CCDC187: variants seen among roughly 807,000 people sequenced by gnomAD.
CCDC187 encodes the protein coiled-coil domain-containing protein 187.
Under a neutral mutation model 38.0 loss-of-function variants are expected in CCDC187, and 32 were observed. That is an observed-to-expected ratio of 0.84 (90% confidence interval 0.64 to 1.13). The LOEUF (loss-of-function observed/expected upper bound fraction) is 1.13, where lower values mean the gene tolerates loss of function less well. CCDC187 is among the 50% of genes most tolerant of loss of function. The pLI, the probability that CCDC187 is intolerant of heterozygous loss-of-function variation, is 0.00. For missense variants in CCDC187, 707 were observed against 786.8 expected (o/e 0.90, Z 1.21); for synonymous variants, 333 against 347.9 (o/e 0.96, Z 0.48).
At chr9:136,305,809 G>A (rs980256069), upstream of CCDC187, among the ~76,000 whole-genome samples, 5 of 152,204 alleles carry the variant, frequency 3.3e-5, no homozygotes, top group South Asian at 2.1e-4. Context: ...GAGGTCCTGC[G>A]AGTTGCCCCC....
intron 19 of CCDC187, 26 bp downstream of exon 19, chr9:136,262,285 C>T (rs1334686648): frequency 6.1e-6 from 6 of 985,906 alleles, no homozygotes; most frequent in African/African-American, 3.5e-5. Context: ...CCCCGACCCC[C>T]GACCCCCTAA....
chr9:136,275,701 T>C (rs992670560), intron 12 of CCDC187, among the ~76,000 whole-genome samples: 3 of 152,258 alleles, frequency 2.0e-5, no homozygotes, highest in Admixed American at 1.3e-4. Flanking sequence ...CATTGTCCCC[T>C]CATGGGGCAG....
chr9:136,290,136 G>A (rs1831282437), intron 6 of CCDC187, 83 bp from the exon 7 acceptor site: 1 of 398,102 alleles, frequency 2.5e-6, no homozygotes, highest in Non-Finnish European at 4.4e-6. Context: ...GCTAGGCCTT[G>A]ACCTCCCTTG....
At chr9:136,274,625 C>T (rs534537606) in intron 14 of CCDC187, 33 bp downstream of exon 14, 1 of 152,610 alleles carries the variant, frequency 6.6e-6, no homozygotes, top group African/African-American at 2.4e-5. Flanking sequence ...TGCCTGCCTC[C>T]AGGCCTGGGT....
At chr9:136,282,788 G>A (rs1467121725) in intron 9 of CCDC187, among the ~76,000 whole-genome samples, 5 of 152,248 alleles carry the variant, frequency 3.3e-5, no homozygotes, top group Admixed American at 2.6e-4. Context: ...TCCTGGTGCT[G>A]CAGGGGAGCT....
chr9:136,299,564 C>A (rs2131357099), intron 3 of CCDC187, among the ~76,000 whole-genome samples: 1 of 152,346 alleles, frequency 6.6e-6, no homozygotes, highest in South Asian at 2.1e-4. Context: ...GCAGAGTGAG[C>A]CTGCCCAAGC....
rs562723360 is a variant in CCDC187, at chr9:136,261,994, G to T, written c.4064+317C>A. Among the ~76,000 whole-genome samples the T allele has an allele frequency of 1.3e-3, 199 of 152,362 alleles. 1 individual carries two copies. The Middle Eastern group carries it at 0.017, about 13-fold the overall frequency. On this transcript the variant is annotated intron_variant, in intron 19 of 25. Coordinates refer to ENST00000638797, the MANE Select transcript of CCDC187 (RefSeq NM_001378188.1). ...TCTCGGGCAGCGGCCAGGCTCTCGGGCAGGTGACCCTGGTCATCACTCCCC... is the reference window on the plus strand; with the variant it reads ...TCTCGGGCAGCGGCCAGGCTCTCGGTCAGGTGACCCTGGTCATCACTCCCC...
At position 136,257,446 on chromosome 9, in the gene CCDC187, G is replaced by T. The variant is rs1392986964; in HGVS notation, c.4367-605C>A. 2.0e-5 allele frequency among the ~76,000 whole-genome samples: 3 copies of T among 151,982 alleles called. No homozygotes were observed. The highest frequency in any genetic ancestry group is 7.3e-5 in the African/African-American group (3 of 41,360). The stretch of plus-strand genomic sequence containing the variant: ...TTCCCTCCCTTGGGGGAAACCTTTT[G>T]CCAGAGCTTGTTCTTCCCCCTCGGT... On this transcript the variant is annotated intron_variant, in intron 22 of 25. Transcript: ENST00000638797. This position sits in a 1 kb window ranked among gnomAD's most constrained non-coding sequence, Gnocchi z 4.5.
rs2131306923 is a variant in CCDC187 at position 136,291,057 on chromosome 9, C to A, written c.1556G>T (p.Ser519Ile). ...RQGPSSQRPGSPPEKRSPFPQ... is the reference protein window; with the variant it reads ...RQGPSSQRPGIPPEKRSPFPQ... ...GAAGGGGCTCCGCTTTTCAGGGGGG[C>A]TCCCAGGCCTCTGGGAGGAGGGGCC... The change falls in exon 6 of 26, where the codon AGC (serine) becomes ATC (isoleucine). Residue 519 changes from serine to isoleucine, a missense_variant. Physicochemically the swap from Ser to Ile is moderately radical, Grantham distance 142 (BLOSUM62 -2). Coordinates refer to ENST00000638797, the MANE Select transcript of CCDC187 (RefSeq NM_001378188.1). 16 of 398,588 alleles carry A rather than the reference C, an allele frequency of 4.0e-5. No homozygotes were observed. The East Asian group carries it at 5.7e-4, about 14-fold the overall frequency. 24.7% of individuals were successfully genotyped at this position (398,588 alleles called of 1,614,324 possible). A position where few individuals can be genotyped will look rare whatever the true frequency, so the allele number is the denominator to read the frequency against.
At chr9:136,268,684 C>A (rs1830789144) in intron 14 of CCDC187, among the ~76,000 whole-genome samples, 1 of 152,134 alleles carries the variant, frequency 6.6e-6, no homozygotes, top group South Asian at 2.1e-4. Context: ...GAAAAAATCA[C>A]GTAAATACAC....
chr9:136,293,680 G>A (rs1048644513), intron 4 of CCDC187, among the ~76,000 whole-genome samples: 21 of 142,318 alleles, frequency 1.5e-4, no homozygotes, highest in Non-Finnish European at 2.5e-4. Context: ...GCATGCCCTC[G>A]CACGTGCTGT....
intron 15 of CCDC187, chr9:136,267,847 C>A (rs1367265674): frequency 5.0e-5 from 49 of 985,102 alleles, no homozygotes; most frequent in Non-Finnish European, 5.8e-5. Context: ...ATGCCTGCCC[C>A]CCTCTGTCAC....
intron 17 of CCDC187, 162 bp downstream of exon 17, chr9:136,265,794 C>T (rs2131159670): frequency 5.1e-6 from 1 of 195,338 alleles, no homozygotes; most frequent in Non-Finnish European, 9.3e-6. Context: ...GCCGTGGACA[C>T]TCCTTCTATA....
upstream of CCDC187, among the ~76,000 whole-genome samples, chr9:136,305,949 A>G (rs36189587): frequency 0.27 from 40,818 of 152,088 alleles, 9,254 homozygotes; most frequent in African/African-American, 0.61. Context: ...CAGCTCCCGA[A>G]GGCGGGTCCA....
rs968711203 is a variant in CCDC187, at chr9:136,275,673, G to A, written c.3225+521C>T. 5.4e-4 allele frequency among the ~76,000 whole-genome samples: 82 copies of A among 152,290 alleles called. 2 individuals are homozygous for A. Among genetic ancestry groups the A allele is most frequent in the Middle Eastern group, 3.4e-3 (1 of 294 alleles). On this transcript the variant is annotated intron_variant, in intron 12 of 25. Coordinates refer to ENST00000638797, the MANE Select transcript of CCDC187 (RefSeq NM_001378188.1). The stretch of plus-strand genomic sequence containing the variant: ...CGATCAATCCCCTGCCAGGGTCACC[G>A]CTCCTCGGACTGGGTGACATTGTCC...
At chr9:136,293,459 T>TGCTCACACACG (rs1831425664) in intron 4 of CCDC187, among the ~76,000 whole-genome samples, 2 of 40,086 alleles carry the variant, frequency 5.0e-5, no homozygotes, top group Non-Finnish European at 1.1e-4. Flanking sequence ...ATGCTCACAC[T>TGCTCACACACG]CACACTCACA....
rs1029523436 is a variant in CCDC187 at position 136,279,800 on chromosome 9, G to A, written c.3040+1751C>T. Among the ~76,000 whole-genome samples, 319 of 152,372 alleles carry A rather than the reference G, an allele frequency of 2.1e-3. 1 individual carries two copies. The highest frequency in any genetic ancestry group is 0.017 in the Middle Eastern group (5 of 294). ...GAAATACAAGGCAATTCAGCCATGA[G>A]GCGGCAATTCAGCCACAAGGCGATT... On this transcript the variant is annotated intron_variant, in intron 10 of 25. Transcript: ENST00000638797.
At position 136,253,728 on chromosome 9, in the gene CCDC187, C is replaced by G. The variant is rs1588647482; in HGVS notation, c.6100G>C (p.Ala2034Pro). ...GGCCCCGAGGGCGGGGAAGGGAAGGCATCCGAGCATGGGTTGGTGTCTTCA... is the reference window on the plus strand; with the variant it reads ...GGCCCCGAGGGCGGGGAAGGGAAGGGATCCGAGCATGGGTTGGTGTCTTCA... Reference protein sequence around the residue: ...DGEDTNPCSDAFPSPPSGPLE... With the variant: ...DGEDTNPCSDPFPSPPSGPLE... The change falls in exon 26 of 26, where the codon GCC becomes CCC. Residue 2034 changes from alanine to proline, a missense_variant. By Grantham distance (27) the Ala-to-Pro change is conservative. Transcript: ENST00000638797. 1.0e-6 allele frequency: 1 copy of G among 985,556 alleles called. No individual in the cohort carries two copies. The highest frequency in any genetic ancestry group is 1.1e-4 in the East Asian group (1 of 8,816). The allele number at this position is 985,556 out of a possible 1,614,324, so 61.1% of individuals were successfully genotyped here.
rs530202631 is a variant in CCDC187 at position 136,257,091 on chromosome 9, C to T, written c.4367-250G>A. ...AGAAAATTCGTTTAGAATTCAGAGG[C>T]CGGCTGGGCGCAGTGGCTCACGCCT... On this transcript the variant is annotated intron_variant, in intron 22 of 25. Transcript: ENST00000638797. This position sits in a 1 kb window ranked among gnomAD's most constrained non-coding sequence, Gnocchi z 4.5. Among the ~76,000 whole-genome samples, 12 of 152,306 alleles carry T rather than the reference C, an allele frequency of 7.9e-5. No homozygotes were observed. Among genetic ancestry groups the T allele is most frequent in the South Asian group, 6.2e-4 (3 of 4,826 alleles).
Sources: gnomAD v4.1 joint callset for allele counts (sites outside exome capture counted in the v4.1 genomes callset) on GRCh38, gnomAD v4.1.1 for gene constraint, Gnocchi (gnomAD v3.1) non-coding constraint, MANE v1.5 for transcripts, NCBI Gene and HGNC (gene_info 2026-07-23, HGNC 2026-07-21) for gene names.